MDC1: variants seen among roughly 807,000 people sequenced by gnomAD.
MDC1 encodes the protein mediator of DNA damage checkpoint protein 1.
A neutral mutation model predicts 142.5 loss-of-function variants in MDC1; 81 were observed. The observed-to-expected ratio is 0.57, with a 90% CI of 0.47 to 0.68. MDC1 has a LOEUF of 0.68. MDC1 is among the 30% of genes least tolerant of loss of function. The probability of loss-of-function intolerance (pLI) is 0.00; values close to 1 mark genes in which losing one functional copy is unlikely to be tolerated. For missense variants in MDC1, 2,119 were observed against 2,547.9 expected, an observed-to-expected ratio of 0.83 and a Z score of 3.62; for synonymous variants, 797 against 968.4, an observed-to-expected ratio of 0.82 and a Z score of 3.29.
Position 30,711,989 on chromosome 6 carries a change from G to A in MDC1, c.1953C>T (p.Asp651=), listed in dbSNP as rs377040352. 258 of 1,597,834 alleles carry A rather than the reference G, an allele frequency of 1.6e-4. 8 individuals are homozygous for A. The highest frequency in any genetic ancestry group is 8.9e-4 in the East Asian group (40 of 44,762). ...GGGTGGATTCCCCTAGAGTGTCTGTGTCCACCACCAGATCTGTGAGGTTCT... is the reference window on the plus strand; with the variant it reads ...GGGTGGATTCCCCTAGAGTGTCTGTATCCACCACCAGATCTGTGAGGTTCT... ...SRENLTDLVV[D]TDTLGESTQP... Residue 651 remains aspartate, a synonymous_variant, in exon 5 of 15, where the codon GAC becomes GAT. Transcript: ENST00000376406.
rs760979632 is a variant in MDC1, at chr6:30,703,178, T to C, written c.5791A>G (p.Ile1931Val). 26 of 1,612,988 alleles carry C rather than the reference T, an allele frequency of 1.6e-5. No homozygotes were observed. The highest frequency in any genetic ancestry group is 2.1e-5 in the Non-Finnish European group (25 of 1,180,038). ...AEASHLVTDR[I>V]RRTVKFLCAL... ...CACAGGAACTTGACTGTCCGGCGGA[T>C]GCGATCAGTGACCAGGTGGGAAGCC... is the stretch of plus-strand genomic sequence containing the variant. Residue 1931 changes from isoleucine to valine, a missense_variant, in exon 12 of 15, where the codon ATC becomes GTC. Physicochemically the swap from Ile to Val is conservative, Grantham distance 29 (BLOSUM62 3). Transcript: ENST00000376406. The surrounding 1 kb of genome is among the most constrained non-coding windows in gnomAD (Gnocchi z 4.4).
In MDC1 at chr6:30,707,947, C is replaced by A; in HGVS notation, c.2632G>T (p.Gly878Trp). Residue 878 changes from glycine (G) to tryptophan (W), a missense_variant, in exon 8 of 15, where the codon GGG (glycine) becomes TGG (tryptophan). Transcript: ENST00000376406. ...TCTCTTTCAGGACTTGCACTTTCCC[C>A]ATTTTTGTCAGATTCTTGTCTCTGG... Reference protein sequence around the residue: ...DTQRQESDKNGESASPERDRE... With the variant: ...DTQRQESDKNWESASPERDRE... 1 of 1,613,096 alleles carries A rather than the reference C, an allele frequency of 6.2e-7. No individual in the cohort carries two copies. The highest frequency in any genetic ancestry group is 1.7e-5 in the Admixed American group (1 of 60,020).
At position 30,700,406 on chromosome 6, in the gene MDC1, T is replaced by C; in HGVS notation, c.*59A>G. 1 of 1,555,774 alleles carries C rather than the reference T, an allele frequency of 6.4e-7. No individual in the cohort carries two copies. Among genetic ancestry groups the C allele is most frequent in the Non-Finnish European group, 8.8e-7 (1 of 1,141,098 alleles). ...CCCCAATCCTTTCTAACGCCCTGAG[T>C]TCTTTCTTCCACATATCTTCTAATT... On this transcript the variant is annotated 3_prime_UTR_variant, in exon 15 of 15. Coordinates refer to ENST00000376406, the MANE Select transcript of MDC1 (RefSeq NM_014641.3).
rs770933827 is a variant in MDC1, at chr6:30,712,546, T to C, written c.1396A>G (p.Asn466Asp). ...TGATCCTTGAGGACAGCTTCTCTAT[T>C]TTCCACTGGGAGCTCTTCCTCCTCC... ...DVEEEELPVE[N>D]REAVLKDHTK... Residue 466 changes from asparagine to aspartate, a missense_variant, in exon 5 of 15, where the codon AAT becomes GAT. Asn to Asp is a conservative substitution (Grantham distance 23). Coordinates refer to ENST00000376406, the MANE Select transcript of MDC1 (RefSeq NM_014641.3). The surrounding 1 kb of genome is among the most constrained non-coding windows in gnomAD (Gnocchi z 4.7). 2.2e-5 allele frequency: 35 copies of C among 1,612,958 alleles called. No individual in the cohort carries two copies. The highest frequency in any genetic ancestry group is 3.0e-5 in the Non-Finnish European group (35 of 1,180,024).
chr6:30,705,309 G>A lies in MDC1; in HGVS notation c.3874C>T (p.Arg1292Trp), dbSNP rs547239956. The A allele has an allele frequency of 6.8e-5, 109 of 1,603,088 alleles. No homozygotes were observed. The highest frequency in any genetic ancestry group is 1.7e-4 in the Admixed American group (10 of 57,898). ...EPVVPTAPELRPSTSTDRPVT... is the reference protein window; with the variant it reads ...EPVVPTAPELWPSTSTDRPVT... Reference sequence around the variant, plus strand: ...GGTCGGTCTGTGGAGGTGGAAGGCCGGAGCTCAGGGGCTGTGGGCACAACT... The same window carrying A: ...GGTCGGTCTGTGGAGGTGGAAGGCCAGAGCTCAGGGGCTGTGGGCACAACT... Residue 1292 changes from arginine to tryptophan, a missense_variant, in exon 10 of 15, where the codon CGG becomes TGG. Transcript: ENST00000376406.
chr6:30,707,164 G>A (rs1011617662), intron 9 of MDC1, among the ~76,000 whole-genome samples: 1 of 152,126 alleles, frequency 6.6e-6, no homozygotes, highest in Non-Finnish European at 1.5e-5. Context: ...AAACACGAAG[G>A]GTCTTTCTTT....
In MDC1 at chr6:30,715,711, C is replaced by T. The variant is rs554640481; in HGVS notation, c.-3-533G>A. On this transcript the variant is annotated intron_variant, in intron 1 of 14. Transcript: ENST00000376406. This position sits in a 1 kb window ranked among gnomAD's most constrained non-coding sequence, Gnocchi z 4.1. ...ACCTCAGTTTGATCAGATGCAACTG[C>T]AAAAAATGATAATAAAAGATGACAT... Among the ~76,000 whole-genome samples the T allele has an allele frequency of 1.3e-5, 2 of 152,040 alleles. No individual in the cohort carries two copies. Among genetic ancestry groups the T allele is most frequent in the African/African-American group, 2.4e-5 (1 of 41,400 alleles).
Position 30,705,628 on chromosome 6 carries a change from C to T in MDC1, c.3555G>A (p.Gln1185=), listed in dbSNP as rs1316394099. Residue 1185 remains glutamine (Q), a synonymous_variant, in exon 10 of 15, where the codon CAG becomes CAA. Transcript: ENST00000376406. ...ATCTACTTTTTCTTCCCCTAGTAAC[C>T]TGAGATGTGGGCTCAGAGGTGACAG... The part of the protein sequence containing the change: ...DQPVTSEPTS[Q]VTRGRKSRSS... The T allele has an allele frequency of 4.4e-6, 7 of 1,604,358 alleles. No homozygotes were observed. The highest frequency in any genetic ancestry group is 5.1e-6 in the Non-Finnish European group (6 of 1,175,792).
rs542193551 is a variant in MDC1, at chr6:30,711,568, C to A, written c.2129-64G>T. The A allele has an allele frequency of 5.8e-5, 93 of 1,595,364 alleles. No homozygotes were observed. The African/African-American group carries it at 1.2e-3, about 20-fold the overall frequency. On this transcript the variant is annotated intron_variant, in intron 6 of 14. Transcript: ENST00000376406. ...ACTACTGTAGGGTTCCATTCCTGGT[C>A]TCCTACCCTACCCATACTAGCCTTT...
Position 30,707,713 on chromosome 6 carries a change from G to C in MDC1, c.2866C>G (p.Gln956Glu). 1 of 1,613,026 alleles carries C rather than the reference G, an allele frequency of 6.2e-7. No homozygotes were observed. The highest frequency in any genetic ancestry group is 8.5e-7 in the Non-Finnish European group (1 of 1,180,028). ...TQRGEPEGGSQDQKGQASSPT... is the reference protein window; with the variant it reads ...TQRGEPEGGSEDQKGQASSPT... ...CTGGAGGCCTGCCCTTTCTGGTCCT[G>C]GCTCCCTCCCTCTGGCTCCCCTCTC... Residue 956 changes from glutamine to glutamate, a missense_variant, in exon 8 of 15, where the codon CAG (glutamine) becomes GAG (glutamate). Coordinates refer to ENST00000376406, the MANE Select transcript of MDC1 (RefSeq NM_014641.3).
intron 7 of MDC1, 85 bp downstream of exon 7, chr6:30,711,327 C>T: frequency 8.1e-7 from 1 of 1,230,134 alleles, no homozygotes; most frequent in South Asian, 1.2e-5. Context: ...GCCGAGACTG[C>T]ACCACTGTAA....
Position 30,702,893 on chromosome 6 carries a change from G to A in MDC1, c.5866-16C>T. 6.2e-7 allele frequency: 1 copy of A among 1,612,884 alleles called. No homozygotes were observed. The highest frequency in any genetic ancestry group is 1.1e-5 in the South Asian group (1 of 91,086). On this transcript the variant is annotated splice_polypyrimidine_tract_variant and intron_variant, in intron 12 of 14. Coordinates refer to ENST00000376406, the MANE Select transcript of MDC1 (RefSeq NM_014641.3). ...CCTTGCGGGACTAAGGACGGCAGCA[G>A]TCAGCATCAAAGCTCAGCCCAGCCC...
At position 30,703,456 on chromosome 6, in the gene MDC1, G is replaced by A. The variant is rs1773134035; in HGVS notation, c.5644C>T (p.Arg1882Ter). The A allele has an allele frequency of 1.2e-6, 2 of 1,613,920 alleles. No individual in the cohort carries two copies. The highest frequency in any genetic ancestry group is 1.7e-6 in the Non-Finnish European group (2 of 1,180,034). The change falls in exon 11 of 15, where the codon CGA (arginine) becomes TGA (stop). Residue 1882 changes from arginine to a stop codon, truncating the protein, a stop_gained. Coordinates refer to ENST00000376406, the MANE Select transcript of MDC1 (RefSeq NM_014641.3). LOFTEE classifies it high-confidence loss of function. This position sits in a 1 kb window ranked among gnomAD's most constrained non-coding sequence, Gnocchi z 4.4. Reference sequence around the variant, plus strand: ...GATTCTTGGTTAAGTTTGGTCCGTCGGAGGCTGCGGCTTGGTATTCTGTTG... The same window carrying A: ...GATTCTTGGTTAAGTTTGGTCCGTCAGAGGCTGCGGCTTGGTATTCTGTTG... ...EPNRIPSRSL[R>*]RTKLNQESTA...
In MDC1 at chr6:30,712,653, T is replaced by C. The variant is rs757385489; in HGVS notation, c.1289A>G (p.Asp430Gly). The C allele has an allele frequency of 1.9e-6, 3 of 1,612,912 alleles. No individual in the cohort carries two copies. In the Admixed American group the frequency reaches 5.0e-5, roughly 27 times the overall value. ...ACGTTGGGGCATGTCCTCTTCTGCA[T>C]CTCTGTTCCATATAGCAGGCTGGCT... Reference protein sequence around the residue: ...KESQPAIWNRDAEEDMPQRVV... With the variant: ...KESQPAIWNRGAEEDMPQRVV... The change falls in exon 5 of 15, where the codon GAT becomes GGT. Residue 430 changes from aspartate to glycine, a missense_variant. Asp to Gly is a moderately conservative substitution (Grantham distance 94). Transcript: ENST00000376406. This position sits in a 1 kb window ranked among gnomAD's most constrained non-coding sequence, Gnocchi z 4.7.
In MDC1 at chr6:30,705,305, G is replaced by C; in HGVS notation, c.3878C>G (p.Pro1293Arg). ...GACAGGTCGGTCTGTGGAGGTGGAA[G>C]GCCGGAGCTCAGGGGCTGTGGGCAC... ...PVVPTAPELR[P>R]STSTDRPVTP... The change falls in exon 10 of 15, where the codon CCT (proline) becomes CGT (arginine). Residue 1293 changes from proline to arginine, a missense_variant. Transcript: ENST00000376406. 6.2e-7 allele frequency: 1 copy of C among 1,602,390 alleles called. No individual in the cohort carries two copies. Among genetic ancestry groups the C allele is most frequent in the Non-Finnish European group, 8.5e-7 (1 of 1,175,344 alleles).
At position 30,704,512 on chromosome 6, in the gene MDC1, C is replaced by T. The variant is rs1333349136; in HGVS notation, c.4671G>A (p.Arg1557=). ...VTPEPTSRAT[R]GRTNRSSVKT... ...TGACAGAGGACCTATTTGTCCTGCC[C>T]CTAGTGGCCCGAGATGTGGGCTCAG... Residue 1557 remains arginine (R), a synonymous_variant, in exon 10 of 15, where the codon AGG becomes AGA. Transcript: ENST00000376406. 3.7e-6 allele frequency: 6 copies of T among 1,612,230 alleles called. No homozygotes were observed. The East Asian group carries it at 1.1e-4, about 30-fold the overall frequency.
chr6:30,707,866 C>T lies in MDC1; in HGVS notation c.2713G>A (p.Val905Ile), dbSNP rs755305725. ...TTGCTTGGAAGGGTCTGCTTCTGTA[C>T]TTGTTTCTCTTGTATTTCCTCAGAT... ...ETSEEIQEKQ[V>I]QKQTLPSKAF... Residue 905 changes from valine (V) to isoleucine (I), a missense_variant, in exon 8 of 15, where the codon GTA becomes ATA. Coordinates refer to ENST00000376406, the MANE Select transcript of MDC1 (RefSeq NM_014641.3). 25 of 1,613,002 alleles carry T rather than the reference C, an allele frequency of 1.5e-5. No individual in the cohort carries two copies. The highest frequency in any genetic ancestry group is 2.1e-5 in the Non-Finnish European group (25 of 1,180,044).
intron 14 of MDC1, among the ~76,000 whole-genome samples, chr6:30,700,902 CAA>C (rs9281018): frequency 1.1e-4 from 8 of 70,544 alleles, no homozygotes; most frequent in East Asian, 4.8e-4. Context: ...ACTAAAAATA[CAA>C]AAAAAAAAAA....
rs1176262242 is a variant in MDC1, at chr6:30,711,701, A to G, written c.2094T>C (p.Ala698=). The change falls in exon 6 of 15, where the codon GCT becomes GCC. Residue 698 remains alanine (A), a synonymous_variant. Coordinates refer to ENST00000376406, the MANE Select transcript of MDC1 (RefSeq NM_014641.3). Reference sequence around the variant, plus strand: ...CCTGATTCTCCAGAAAGCACTGGGTAGCTTGTAGGTCCAGATCTTCAGAAT... The same window carrying G: ...CCTGATTCTCCAGAAAGCACTGGGTGGCTTGTAGGTCCAGATCTTCAGAAT... ...YGDSEDLDLQ[A]TQCFLENQGL... is the part of the protein sequence containing the mutation. The G allele has an allele frequency of 6.2e-7, 1 of 1,612,942 alleles. No individual in the cohort carries two copies. The highest frequency in any genetic ancestry group is 1.1e-5 in the South Asian group (1 of 91,060).
Sources: allele counts gnomAD v4.1 joint callset (sites outside exome capture counted in the v4.1 genomes callset), GRCh38; gene constraint gnomAD v4.1.1; non-coding constraint Gnocchi (gnomAD v3.1); transcripts MANE v1.5; gene names NCBI Gene and HGNC (gene_info 2026-07-23, HGNC 2026-07-21).